The following MOB3C variants were observed in gnomAD, a reference collection of about 807,000 sequenced individuals.
MOB3C encodes the protein MOB kinase activator 3C.
MOB3C carries 17 observed loss-of-function variants against 19.8 expected under a neutral mutation model. The observed-to-expected ratio is 0.86, with a 90% CI of 0.59 to 1.29. The LOEUF (loss-of-function observed/expected upper bound fraction) is 1.29, where lower values mean the gene tolerates loss of function less well. Ranked by LOEUF, MOB3C falls within the 50% of genes most tolerant of loss-of-function variation. MOB3C has a pLI of 0.00. For synonymous variants in MOB3C, 101 were observed against 119.2 expected, an observed-to-expected ratio of 0.85 and a Z score of 0.99; for missense variants, 291 against 301.9, an observed-to-expected ratio of 0.96 and a Z score of 0.27.
intron 2 of MOB3C, among the ~76,000 whole-genome samples, chr1:46,610,472 C>T (rs1675446270): frequency 6.6e-6 from 1 of 152,222 alleles, no homozygotes; most frequent in Non-Finnish European, 1.5e-5. Context: ...CAACCTCCAC[C>T]TCCCAGGTTC....
Position 46,609,089 on chromosome 1 carries a change from A to G in MOB3C, c.*566T>C, listed in dbSNP as rs1362281401. The G allele has an allele frequency of 6.0e-6, 1 of 165,820 alleles. No homozygotes were observed. The highest frequency in any genetic ancestry group is 2.4e-5 in the African/African-American group (1 of 41,362). 10.3% of individuals were successfully genotyped at this position (165,820 alleles called of 1,614,324 possible). A position where few individuals can be genotyped will look rare whatever the true frequency, so the allele number is the denominator to read the frequency against. On this transcript the variant is annotated 3_prime_UTR_variant, in exon 4 of 4. Transcript: ENST00000319928. ...TGAGTGGGGACGCTGAGCTGTCATC[A>G]CTCCTACAGTGGTCATGGTCTGATG...
In MOB3C at chr1:46,609,322, C is replaced by T; in HGVS notation, c.*333G>A. Reference sequence around the variant, plus strand: ...GCACCTTTCTTGCCATCACCTCGGCCACACCCACATTCCTCCAATAGGCTT... The same window carrying T: ...GCACCTTTCTTGCCATCACCTCGGCTACACCCACATTCCTCCAATAGGCTT... On this transcript the variant is annotated 3_prime_UTR_variant, in exon 4 of 4. Transcript: ENST00000319928. The T allele has an allele frequency of 2.3e-6, 1 of 434,484 alleles. No individual in the cohort carries two copies. The highest frequency in any genetic ancestry group is 4.2e-6 in the Non-Finnish European group (1 of 235,324). 26.9% of individuals were successfully genotyped at this position (434,484 alleles called of 1,614,324 possible).
In MOB3C at chr1:46,610,041, G is replaced by A. The variant is rs201064368; in HGVS notation, c.582C>T (p.Arg194=). ...TCYKHFYYFI[R]EFSLVDQREL... Reference sequence around the variant, plus strand: ...CCCGCTGGTCCACCAGACTGAACTCGCGGATGAAGTAGTAGAAGTGCTTGT... The same window carrying A: ...CCCGCTGGTCCACCAGACTGAACTCACGGATGAAGTAGTAGAAGTGCTTGT... The change falls in exon 3 of 4, where the codon CGC becomes CGT. Residue 194 remains arginine, a synonymous_variant. Coordinates refer to ENST00000319928, the MANE Select transcript of MOB3C (RefSeq NM_201403.3). 1.7e-5 allele frequency: 28 copies of A among 1,614,236 alleles called. No individual in the cohort carries two copies. In the East Asian group the frequency reaches 3.3e-4, roughly 19 times the overall value.
Position 46,609,651 on chromosome 1 carries a change from G to A in MOB3C, c.*4C>T. ...CTGATGGCCAAAAAAGTCCAGACCTGGGCTCAGTGGCAGATCCGCTCTGTC... is the reference window on the plus strand; with the variant it reads ...CTGATGGCCAAAAAAGTCCAGACCTAGGCTCAGTGGCAGATCCGCTCTGTC... On this transcript the variant is annotated 3_prime_UTR_variant, in exon 4 of 4. Transcript: ENST00000319928. 1 of 1,614,112 alleles carries A rather than the reference G, an allele frequency of 6.2e-7. No homozygotes were observed. Among genetic ancestry groups the A allele is most frequent in the South Asian group, 1.1e-5 (1 of 91,088 alleles).
At chr1:46,613,902 T>A (rs1340449939) in intron 1 of MOB3C, 1 of 153,714 alleles carries the variant, frequency 6.5e-6, no homozygotes, top group East Asian at 1.9e-4. Context: ...ACCAAAAATG[T>A]CCTTTCCTTT....
intron 1 of MOB3C, 67 bp from the exon 2 acceptor site, chr1:46,613,438 A>G (rs772146205): frequency 1.4e-6 from 2 of 1,390,384 alleles, no homozygotes; most frequent in Non-Finnish European, 2.0e-6. Context: ...TGACTTCCCA[A>G]TTCATCATTT....
intron 1 of MOB3C, chr1:46,614,936 T>A: frequency 6.7e-7 from 1 of 1,488,848 alleles, no homozygotes; most frequent in Non-Finnish European, 9.4e-7. Context: ...AAACAGGCCA[T>A]TCAGCAGGAA....
intron 2 of MOB3C, among the ~76,000 whole-genome samples, chr1:46,610,765 C>G (rs1442602234): frequency 6.6e-6 from 1 of 152,236 alleles, no homozygotes; most frequent in Non-Finnish European, 1.5e-5. Context: ...TTTCCCATTA[C>G]CTAAAGCAGG....
rs1312840476 is a variant in MOB3C, at chr1:46,613,165, C to T, written c.157G>A (p.Gly53Arg). 6 of 1,614,146 alleles carry T rather than the reference C, an allele frequency of 3.7e-6. No individual in the cohort carries two copies. Among genetic ancestry groups the T allele is most frequent in the South Asian group, 1.1e-5 (1 of 91,096 alleles). The change falls in exon 2 of 4, where the codon GGG becomes AGG. Residue 53 changes from glycine to arginine, a missense_variant. Coordinates refer to ENST00000319928, the MANE Select transcript of MOB3C (RefSeq NM_201403.3). ...GCGATCCAGTCGTCGATGTTCTCCCCGGGTGGTAGCCTCACCACACTGCGC... is the reference window on the plus strand; with the variant it reads ...GCGATCCAGTCGTCGATGTTCTCCCTGGGTGGTAGCCTCACCACACTGCGC... ...DLRSVVRLPP[G>R]ENIDDWIAVH...
chr1:46,615,291 G>C, intron 1 of MOB3C: 1 of 538,754 alleles, frequency 1.9e-6, no homozygotes, highest in Admixed American at 3.1e-5. Flanking sequence ...CCTGATTCCT[G>C]AACACGCCCC....
rs1219216081 is a variant in MOB3C at position 46,615,018 on chromosome 1, C to G, written c.-50-1647G>C. 1.4e-5 allele frequency: 23 copies of G among 1,613,100 alleles called. No homozygotes were observed. Among genetic ancestry groups the G allele is most frequent in the Non-Finnish European group, 1.8e-5 (21 of 1,179,208 alleles). On this transcript the variant is annotated intron_variant, in intron 1 of 3. Transcript: ENST00000319928. Reference sequence around the variant, plus strand: ...CATCCCGACTCTTCGACTTCTCACCCAAAGAAGTCCCCAGGGTGGGACCCC... The same window carrying G: ...CATCCCGACTCTTCGACTTCTCACCGAAAGAAGTCCCCAGGGTGGGACCCC...
rs1675442231 is a variant in MOB3C at position 46,610,168 on chromosome 1, G to A, written c.455C>T (p.Thr152Ile). 1 of 1,614,182 alleles carries A rather than the reference G, an allele frequency of 6.2e-7. No individual in the cohort carries two copies. Among genetic ancestry groups the A allele is most frequent in the South Asian group, 1.1e-5 (1 of 91,082 alleles). The change falls in exon 3 of 4, where the codon ACC becomes ATC. Residue 152 changes from threonine to isoleucine, a missense_variant. Transcript: ENST00000319928. ...PFPKNFQQVC[T>I]KILTRLFRVF... ...TCGGAAGAGGCGGGTCAGGATCTTG[G>A]TGCAGACCTGCTGGAAGTTCTTAGG...
chr1:46,610,084 G>C lies in MOB3C; in HGVS notation c.539C>G (p.Ala180Gly). 6 of 1,614,220 alleles carry C rather than the reference G, an allele frequency of 3.7e-6. No homozygotes were observed. The highest frequency in any genetic ancestry group is 1.7e-5 in the Admixed American group (1 of 60,032). The change falls in exon 3 of 4, where the codon GCG becomes GGG. Residue 180 changes from alanine (A) to glycine (G), a missense_variant. Coordinates refer to ENST00000319928, the MANE Select transcript of MOB3C (RefSeq NM_201403.3). ...GTGCTTGTAGCAGGTGTTGACGTGC[G>C]CCTCTGCCCCCATGCTGAGGATGCT... Reference protein sequence around the residue: ...FDSILSMGAEAHVNTCYKHFY... With the variant: ...FDSILSMGAEGHVNTCYKHFY...
chr1:46,613,570 C>T (rs1675511522), intron 1 of MOB3C, 199 bp from the exon 2 acceptor site: 2 of 590,144 alleles, frequency 3.4e-6, no homozygotes, highest in South Asian at 4.3e-5. Flanking sequence ...TGCTAAGCCC[C>T]CACAGTCCTC....
intron 1 of MOB3C, chr1:46,613,719 C>T (rs1426647254): frequency 1.9e-5 from 5 of 260,852 alleles, no homozygotes; most frequent in African/African-American, 8.9e-5. Context: ...GGGGCTTGGA[C>T]GAGATGACCT....
intron 2 of MOB3C, among the ~76,000 whole-genome samples, chr1:46,612,502 A>G (rs1000721527): frequency 6.6e-6 from 1 of 152,004 alleles, no homozygotes; most frequent in Admixed American, 6.6e-5. Context: ...TGTCTCTACT[A>G]AAAATACAAA....
In MOB3C at chr1:46,609,546, G is replaced by T; in HGVS notation, c.*109C>A. On this transcript the variant is annotated 3_prime_UTR_variant, in exon 4 of 4. Coordinates refer to ENST00000319928, the MANE Select transcript of MOB3C (RefSeq NM_201403.3). Reference sequence around the variant, plus strand: ...AGAAGTCCAGAGGCTTTGGGTGTGTGGAGTGATTCCAGTGCCTTCAGATTC... The same window carrying T: ...AGAAGTCCAGAGGCTTTGGGTGTGTTGAGTGATTCCAGTGCCTTCAGATTC... The T allele has an allele frequency of 7.3e-7, 1 of 1,371,528 alleles. No individual in the cohort carries two copies. Among genetic ancestry groups the T allele is most frequent in the Non-Finnish European group, 1.0e-6 (1 of 967,096 alleles). 85.0% of individuals were successfully genotyped at this position (1,371,528 alleles called of 1,614,324 possible).
chr1:46,614,880 C>A, intron 1 of MOB3C: 1 of 990,810 alleles, frequency 1.0e-6, no homozygotes, highest in African/African-American at 1.6e-5. Context: ...CAAAGGCAGG[C>A]CAGGATGGGG....
chr1:46,615,700 T>A (rs559380235), intron 1 of MOB3C: 1 of 152,342 alleles, frequency 6.6e-6, no homozygotes, highest in East Asian at 1.9e-4. Context: ...AAGGTGGGGC[T>A]CAGCTCATGA....
Sources: gnomAD v4.1 joint callset for allele counts (sites outside exome capture counted in the v4.1 genomes callset) on GRCh38, gnomAD v4.1.1 for gene constraint, MANE v1.5 for transcripts, NCBI Gene and HGNC (gene_info 2026-07-23, HGNC 2026-07-21) for gene names.